Variants in GALNT2 observed in about 807,000 individuals in gnomAD.
GALNT2 encodes polypeptide N-acetylgalactosaminyltransferase 2, also known as UDP-GalNAc:polypeptide N-acetylgalactosaminyltransferase 2.
A neutral mutation model predicts 81.4 loss-of-function variants in GALNT2; 31 were observed. The ratio of observed to expected loss-of-function variants is 0.38; its 90% CI spans 0.29 to 0.51. The LOEUF is 0.51. GALNT2 is among the 20% of genes least tolerant of loss of function. The pLI is 0.87. For missense variants in GALNT2, 629 were observed against 765.7 expected (o/e 0.82, Z 2.11); for synonymous variants, 303 against 287.4 (o/e 1.05, Z -0.55).
At chr1:230,263,196 T>A in intron 13 of GALNT2, 191 bp downstream of exon 13, 1 of 588,200 alleles carries the variant, frequency 1.7e-6, no homozygotes, top group Non-Finnish European at 3.0e-6. Context: ...TGCTGCTGTC[T>A]CTGTCCTGCA....
At chr1:230,247,648 A>G (rs903637130) in intron 8 of GALNT2, among the ~76,000 whole-genome samples, 1 of 152,162 alleles carries the variant, frequency 6.6e-6, no homozygotes, top group Non-Finnish European at 1.5e-5. Flanking sequence ...ACCAGGCTCT[A>G]TTTCTCCCAA....
chr1:230,278,121 T>C (rs568089984), intron 15 of GALNT2, among the ~76,000 whole-genome samples: 1 of 150,058 alleles, frequency 6.7e-6, no homozygotes, highest in Non-Finnish European at 1.5e-5. Flanking sequence ...TCTTTTTTTT[T>C]TTTTTTTTAA....
chr1:230,082,294 A>G (rs1030452688), intron 1 of GALNT2, among the ~76,000 whole-genome samples: 2 of 152,250 alleles, frequency 1.3e-5, no homozygotes, highest in African/African-American at 4.8e-5. Context: ...AAGGTTCTCT[A>G]ATCGGTCAAA....
intron 15 of GALNT2, among the ~76,000 whole-genome samples, chr1:230,274,984 TACATATATACATATATACATGCC>T (rs1666247687): frequency 6.6e-6 from 1 of 151,654 alleles, no homozygotes; most frequent in Non-Finnish European, 1.5e-5. Flanking sequence ...ATATACATGC[TACATATATACATATATACATGCC>T]ACATATATAC....
chr1:230,200,322 C>T (rs1205630831), intron 2 of GALNT2, among the ~76,000 whole-genome samples: 4 of 152,166 alleles, frequency 2.6e-5, no homozygotes, highest in African/African-American at 9.7e-5. Flanking sequence ...TCGGCCTCCC[C>T]AAAGTGCTGG....
At chr1:230,199,459 G>T (rs1325043581) in intron 2 of GALNT2, among the ~76,000 whole-genome samples, 1 of 152,174 alleles carries the variant, frequency 6.6e-6, no homozygotes, top group Non-Finnish European at 1.5e-5. Context: ...CCCATCATTA[G>T]GTGGTGAAGC....
At chr1:230,145,895 G>A (rs1390380258) in intron 1 of GALNT2, among the ~76,000 whole-genome samples, 1 of 152,248 alleles carries the variant, frequency 6.6e-6, no homozygotes, top group African/African-American at 2.4e-5. Context: ...TCTGGGAAGT[G>A]TGCCTTTCAA....
chr1:230,103,598 A>G (rs985542949), intron 1 of GALNT2, among the ~76,000 whole-genome samples: 9 of 152,126 alleles, frequency 5.9e-5, no homozygotes, highest in Non-Finnish European at 1.3e-4. Context: ...TCACCAGGGC[A>G]TGAGTTCTGC....
chr1:230,072,235 C>T (rs1302133118), intron 1 of GALNT2, among the ~76,000 whole-genome samples: 3 of 151,932 alleles, frequency 2.0e-5, no homozygotes, highest in African/African-American at 7.3e-5. Flanking sequence ...TTTCTTAGGG[C>T]TTTGGGGAGA....
chr1:230,251,100 A>C (rs1445377829), intron 10 of GALNT2, among the ~76,000 whole-genome samples: 4 of 152,194 alleles, frequency 2.6e-5, no homozygotes, highest in Non-Finnish European at 4.4e-5. Context: ...AGGTTTAGGC[A>C]CAGCAAAATT....
At chr1:230,124,744 A>G (rs971952541) in intron 1 of GALNT2, among the ~76,000 whole-genome samples, 1 of 152,150 alleles carries the variant, frequency 6.6e-6, no homozygotes, top group Non-Finnish European at 1.5e-5. Flanking sequence ...GAATTCAGCA[A>G]CCAAAATGGA....
At chr1:230,142,013 G>A (rs1661757301) in intron 1 of GALNT2, among the ~76,000 whole-genome samples, 1 of 151,954 alleles carries the variant, frequency 6.6e-6, no homozygotes, top group Non-Finnish European at 1.5e-5. Flanking sequence ...GGCTGGTCTT[G>A]AACTCCTGGC....
chr1:230,167,480 G>A (rs1662646760), intron 1 of GALNT2, among the ~76,000 whole-genome samples: 1 of 152,202 alleles, frequency 6.6e-6, no homozygotes, highest in Non-Finnish European at 1.5e-5. Context: ...TTACAGAGCA[G>A]GCCTAGGAAG....
upstream of GALNT2, among the ~76,000 whole-genome samples, chr1:230,064,922 A>G (rs926069389): frequency 6.6e-6 from 1 of 152,198 alleles, no homozygotes; most frequent in Admixed American, 6.5e-5. Flanking sequence ...AAGCAATTTG[A>G]TCTTTTTTGC....
chr1:230,103,377 A>AT (rs1170554072), intron 1 of GALNT2, among the ~76,000 whole-genome samples: 1 of 152,206 alleles, frequency 6.6e-6, no homozygotes, highest in East Asian at 1.9e-4. Flanking sequence ...AAAGATGATT[A>AT]TTTTTTATTC....
At chr1:230,075,121 CTTTTT>C (rs34482749) in intron 1 of GALNT2, among the ~76,000 whole-genome samples, 1 of 92,554 alleles carries the variant, frequency 1.1e-5, no homozygotes, top group Admixed American at 1.5e-4. Context: ...GTCTGTTTTG[CTTTTT>C]TTTTTTTTTT....
At chr1:230,195,329 TAGAC>T (rs111873330) in intron 2 of GALNT2, among the ~76,000 whole-genome samples, 27,077 of 152,084 alleles carry the variant, frequency 0.18, 2,852 homozygotes, top group African/African-American at 0.3. Context: ...TTCAAGTTAT[TAGAC>T]AGAAGAGTGG....
intron 1 of GALNT2, among the ~76,000 whole-genome samples, chr1:230,145,294 C>G (rs566752937): frequency 1.3e-5 from 2 of 152,184 alleles, no homozygotes; most frequent in Non-Finnish European, 2.9e-5. Flanking sequence ...GAAATCTGCA[C>G]TGTCAGCTCC....
rs935152493 is a variant in GALNT2 at position 230,257,624 on chromosome 1, A to G, written c.1136+2280A>G. Among the ~76,000 whole-genome samples the G allele has an allele frequency of 6.6e-6, 1 of 152,208 alleles. No individual in the cohort carries two copies. Among genetic ancestry groups the G allele is most frequent in the Admixed American group, 6.5e-5 (1 of 15,284 alleles). On this transcript the variant is annotated intron_variant, in intron 11 of 15. Coordinates refer to ENST00000366672, the MANE Select transcript of GALNT2 (RefSeq NM_004481.5). The surrounding 1 kb of genome is among the most constrained non-coding windows in gnomAD (Gnocchi z 4.6). ...TAAATATACTCTATGATGTTCACAC[A>G]ACGACAACATCGCCTAAGGATGCAT...
Sources: gnomAD v4.1 joint callset for allele counts (sites outside exome capture counted in the v4.1 genomes callset) on GRCh38, gnomAD v4.1.1 for gene constraint, Gnocchi (gnomAD v3.1) non-coding constraint, MANE v1.5 for transcripts, NCBI Gene and HGNC (gene_info 2026-07-23, HGNC 2026-07-21) for gene names.